Variants in VWC2L observed in about 807,000 individuals in gnomAD.
VWC2L encodes the protein von Willebrand factor C domain containing 2 like, also known as von Willebrand factor C domain-containing protein 2-like.
VWC2L carries 10 observed loss-of-function variants against 21.6 expected under a neutral mutation model. That is an observed-to-expected ratio of 0.46 (90% CI 0.29 to 0.78). The LOEUF (loss-of-function observed/expected upper bound fraction) is 0.78, where lower values mean the gene tolerates loss of function less well. VWC2L is among the 30% of genes least tolerant of loss of function. The pLI is 0.10. For missense variants in VWC2L, 209 were observed against 277.1 expected (o/e 0.75, Z 1.74); for synonymous variants, 96 against 94.3 (o/e 1.02, Z -0.10).
intron 3 of VWC2L, among the ~76,000 whole-genome samples, chr2:214,483,791 C>G (rs1439033963): frequency 1.3e-5 from 2 of 152,042 alleles, no homozygotes; most frequent in Non-Finnish European, 2.9e-5. Flanking sequence ...GGCTTTTGAT[C>G]GAGGGATGGG....
chr2:214,452,078 A>G (rs1375249843), intron 3 of VWC2L, among the ~76,000 whole-genome samples: 1 of 152,094 alleles, frequency 6.6e-6, no homozygotes, highest in Non-Finnish European at 1.5e-5. Context: ...GTCCTTGTAC[A>G]TCAATTTGCA....
chr2:214,548,886 T>C (rs1346964801), intron 3 of VWC2L, among the ~76,000 whole-genome samples: 1 of 152,232 alleles, frequency 6.6e-6, no homozygotes, highest in African/African-American at 2.4e-5. Context: ...GGGTAGTTTT[T>C]ACCTTCTTAT....
chr2:214,433,883 G>A (rs181487340), intron 2 of VWC2L, among the ~76,000 whole-genome samples: 36 of 152,218 alleles, frequency 2.4e-4, no homozygotes, highest in African/African-American at 8.4e-4. Context: ...AAGTCAATGG[G>A]TTACATTTGA....
At position 214,418,699 on chromosome 2, in the gene VWC2L, C is replaced by T. The variant is rs575594825; in HGVS notation, c.390+4116C>T. On this transcript the variant is annotated intron_variant, in intron 2 of 3. Transcript: ENST00000312504. ...CATACCAGGTCAAATTGTAATCAAA[C>T]CTATAGGATAAAGAAGTTAGAATTT... 7.9e-5 allele frequency among the ~76,000 whole-genome samples: 12 copies of T among 152,124 alleles called. No individual in the cohort carries two copies. The East Asian group carries it at 1.2e-3, about 15-fold the overall frequency.
chr2:214,522,837 C>A (rs1175595049), intron 3 of VWC2L, among the ~76,000 whole-genome samples: 6 of 151,942 alleles, frequency 3.9e-5, no homozygotes, highest in Admixed American at 3.9e-4. Flanking sequence ...TTTATTAAAT[C>A]TTGATATGTT....
chr2:214,480,801 A>C lies in VWC2L; in HGVS notation c.520+44043A>C, dbSNP rs146794967. ...CCCCTGGACAGAAATCAGTCCCATG[A>C]CCACACCTAACAGAATAAAAGGCTG... On this transcript the variant is annotated intron_variant, in intron 3 of 3. Transcript: ENST00000312504. 6.8e-3 allele frequency among the ~76,000 whole-genome samples: 942 copies of C among 138,600 alleles called. 9 individuals are homozygous for C. Among genetic ancestry groups the C allele is most frequent in the African/African-American group, 0.024 (898 of 37,834 alleles). The allele number at this position is 138,600 out of a possible 152,430, so 90.9% of individuals were successfully genotyped here.
intron 3 of VWC2L, among the ~76,000 whole-genome samples, chr2:214,525,527 A>G (rs149793294): frequency 5.8e-4 from 89 of 152,294 alleles, no homozygotes; most frequent in African/African-American, 2.0e-3. Context: ...ACTTCCTTAA[A>G]AAGATGATGT....
chr2:214,549,059 A>G (rs1241004307), intron 3 of VWC2L, among the ~76,000 whole-genome samples: 2 of 152,196 alleles, frequency 1.3e-5, no homozygotes, highest in Non-Finnish European at 2.9e-5. Context: ...TCTAGCTCCT[A>G]GAGACCACCT....
At chr2:214,439,978 T>C (rs998152790) in intron 3 of VWC2L, among the ~76,000 whole-genome samples, 2 of 151,948 alleles carry the variant, frequency 1.3e-5, no homozygotes, top group African/African-American at 4.8e-5. Context: ...TTCTTGATAA[T>C]ATAATTTTAA....
intron 3 of VWC2L, among the ~76,000 whole-genome samples, chr2:214,548,951 T>A (rs556667329): frequency 1.6e-4 from 25 of 152,202 alleles, no homozygotes; most frequent in Admixed American, 3.3e-4. Flanking sequence ...ACACATTTAT[T>A]TTTGTACAGT....
intron 3 of VWC2L, among the ~76,000 whole-genome samples, chr2:214,512,195 C>A (rs1035489406): frequency 6.6e-5 from 10 of 152,118 alleles, no homozygotes; most frequent in Non-Finnish European, 1.3e-4. Context: ...TGTGTTGCTA[C>A]CTGGCCAAGC....
At chr2:214,524,536 A>G (rs887043380) in intron 3 of VWC2L, among the ~76,000 whole-genome samples, 2 of 152,212 alleles carry the variant, frequency 1.3e-5, no homozygotes, top group Non-Finnish European at 2.9e-5. Flanking sequence ...TAATTAACCC[A>G]GTTTGGATTC....
intron 3 of VWC2L, among the ~76,000 whole-genome samples, chr2:214,561,327 T>C (rs1689967027): frequency 6.6e-6 from 1 of 152,168 alleles, no homozygotes; most frequent in Non-Finnish European, 1.5e-5. Flanking sequence ...TGTACAAAAA[T>C]TGGTTTCCTC....
At chr2:214,490,074 A>G (rs1688725002) in intron 3 of VWC2L, among the ~76,000 whole-genome samples, 1 of 152,070 alleles carries the variant, frequency 6.6e-6, no homozygotes, top group Non-Finnish European at 1.5e-5. Flanking sequence ...AGCTGAGTGG[A>G]GTTTTCAGAA....
At chr2:214,506,166 T>G (rs1688965138) in intron 3 of VWC2L, among the ~76,000 whole-genome samples, 1 of 152,218 alleles carries the variant, frequency 6.6e-6, no homozygotes, top group Non-Finnish European at 1.5e-5. Flanking sequence ...ATCGACATAT[T>G]TAAGCTTCAT....
chr2:214,494,469 CTGAAGAGT>C (rs1688785380), intron 3 of VWC2L, among the ~76,000 whole-genome samples: 1 of 152,168 alleles, frequency 6.6e-6, no homozygotes, highest in South Asian at 2.1e-4. Context: ...CTGCATGTCT[CTGAAGAGT>C]TTCCCAGATG....
At chr2:214,566,298 A>C (rs1257090261) in intron 3 of VWC2L, among the ~76,000 whole-genome samples, 1 of 152,156 alleles carries the variant, frequency 6.6e-6, no homozygotes, top group Non-Finnish European at 1.5e-5. Flanking sequence ...GAGCCTGCGA[A>C]TTTTCCTGAA....
rs549466637 is a variant in VWC2L at position 214,500,564 on chromosome 2, T to A, written c.520+63806T>A. Among the ~76,000 whole-genome samples, 10 of 152,358 alleles carry A rather than the reference T, an allele frequency of 6.6e-5. No individual in the cohort carries two copies. In the East Asian group the frequency reaches 1.7e-3, roughly 26 times the overall value. ...TCTGAGCCTGTTTTCCAGCTCCCTA[T>A]CCCTGCTGCCAGCTTCTGAAGACCT... On this transcript the variant is annotated intron_variant, in intron 3 of 3. Transcript: ENST00000312504.
At chr2:214,574,732 T>A (rs1448333099) in intron 3 of VWC2L, among the ~76,000 whole-genome samples, 1 of 152,106 alleles carries the variant, frequency 6.6e-6, no homozygotes, top group African/African-American at 2.4e-5. Context: ...CATCCTACTA[T>A]AATCCAGTGC....
Sources: gnomAD v4.1 joint callset for allele counts (sites outside exome capture counted in the v4.1 genomes callset) on GRCh38, gnomAD v4.1.1 for gene constraint, MANE v1.5 for transcripts, NCBI Gene and HGNC (gene_info 2026-07-23, HGNC 2026-07-21) for gene names.